The following IL34 variants were observed in gnomAD, a reference collection of about 807,000 sequenced individuals.
The protein encoded by IL34 is interleukin 34, also known as interleukin-34.
Under a neutral mutation model 25.3 loss-of-function variants are expected in IL34, and 17 were observed. The observed-to-expected ratio is 0.67, with a 90% confidence interval of 0.46 to 1.01. The LOEUF (loss-of-function observed/expected upper bound fraction) is 1.01, where lower values mean the gene tolerates loss of function less well. IL34 is among the 50% of genes least tolerant of loss of function. IL34 has a pLI of 0.00. For synonymous variants in IL34, 174 were observed against 140.9 expected (o/e 1.23, Z -1.66); for missense variants, 368 against 312.9 (o/e 1.18, Z -1.33).
chr16:70,632,601 C>T (rs2051544882), intron 1 of IL34, among the ~76,000 whole-genome samples: 1 of 152,088 alleles, frequency 6.6e-6, no homozygotes, highest in African/African-American at 2.4e-5. Context: ...CAGTGGCTTT[C>T]CAATGGAGCA....
upstream of IL34, among the ~76,000 whole-genome samples, chr16:70,644,350 GAC>G (rs1343294034): frequency 6.6e-6 from 1 of 152,146 alleles, no homozygotes; most frequent in Non-Finnish European, 1.5e-5. Context: ...ACAGGTGTGA[GAC>G]ACTGCACCCA....
At chr16:70,627,525 A>C (rs1157358787) in intron 1 of IL34, among the ~76,000 whole-genome samples, 1 of 141,944 alleles carries the variant, frequency 7.0e-6, no homozygotes, top group Non-Finnish European at 1.5e-5. Flanking sequence ...TCTGTTACCC[A>C]GGCTAGAGCA....
At chr16:70,647,370 A>C (rs2051965449) in intron 1 of IL34, among the ~76,000 whole-genome samples, 1 of 152,204 alleles carries the variant, frequency 6.6e-6, no homozygotes, top group South Asian at 2.1e-4. Context: ...TAGGGACCCA[A>C]GACCCACGGC....
intron 1 of IL34, among the ~76,000 whole-genome samples, chr16:70,632,711 G>GT (rs1228373827): frequency 2.0e-5 from 3 of 152,098 alleles, no homozygotes; most frequent in East Asian, 1.9e-4. Context: ...AGAAGGGACA[G>GT]TTTTTTTGTG....
upstream of IL34, among the ~76,000 whole-genome samples, chr16:70,644,607 G>A (rs911424472): frequency 6.7e-6 from 1 of 149,488 alleles, no homozygotes; most frequent in Admixed American, 6.9e-5. Context: ...CAATAAACCT[G>A]AAAAAAATCC....
At chr16:70,647,022 C>G in intron 1 of IL34, 47 bp downstream of exon 1, 2 of 1,421,984 alleles carry the variant, frequency 1.4e-6, no homozygotes, top group Non-Finnish European at 1.8e-6. Context: ...AGGCCTTGGC[C>G]TAGATCCAGG....
intron 1 of IL34, among the ~76,000 whole-genome samples, chr16:70,634,909 T>C (rs116462996): frequency 0.05 from 5,127 of 103,312 alleles, 316 homozygotes; most frequent in African/African-American, 0.3. Flanking sequence ...GCTGCACAGA[T>C]CAGCAGTTCC....
chr16:70,585,034 G>T (rs1036999758), intron 1 of IL34, among the ~76,000 whole-genome samples: 1 of 151,936 alleles, frequency 6.6e-6, no homozygotes, highest in African/African-American at 2.4e-5. Context: ...GAAAATCCAC[G>T]TTGTACCACA....
At chr16:70,597,998 C>G (rs976089305) in intron 1 of IL34, among the ~76,000 whole-genome samples, 1 of 152,188 alleles carries the variant, frequency 6.6e-6, no homozygotes, top group Admixed American at 6.5e-5. Flanking sequence ...GTGCCCGCCA[C>G]CATGTCTAGC....
chr16:70,646,246 T>C (rs993834745), upstream of IL34, among the ~76,000 whole-genome samples: 1 of 152,142 alleles, frequency 6.6e-6, no homozygotes, highest in African/African-American at 2.4e-5. Flanking sequence ...TTTTTTAACC[T>C]GTCCTTTAGC....
chr16:70,646,318 C>G (rs1414463274), upstream of IL34, among the ~76,000 whole-genome samples: 2 of 152,164 alleles, frequency 1.3e-5, no homozygotes, highest in Non-Finnish European at 2.9e-5. Context: ...CCTGTTCATT[C>G]CTTGGTCCTG....
intron 1 of IL34, among the ~76,000 whole-genome samples, chr16:70,628,496 T>A (rs887898120): frequency 2.0e-5 from 3 of 150,698 alleles, no homozygotes; most frequent in Admixed American, 6.6e-5. Flanking sequence ...TTTATTTATT[T>A]TTTTTTTTGA....
intron 1 of IL34, among the ~76,000 whole-genome samples, chr16:70,622,927 T>C (rs1355092969): frequency 6.6e-6 from 1 of 152,058 alleles, no homozygotes; most frequent in Non-Finnish European, 1.5e-5. Flanking sequence ...TCAAATTGTT[T>C]GGACAGAAAG....
upstream of IL34, among the ~76,000 whole-genome samples, chr16:70,642,380 C>G (rs932148746): frequency 1.4e-5 from 2 of 144,754 alleles, no homozygotes; most frequent in African/African-American, 5.1e-5. Context: ...TCACTGCAAA[C>G]TTTGCCCTCT....
chr16:70,622,144 A>AG (rs960886814), intron 1 of IL34, among the ~76,000 whole-genome samples: 1 of 152,000 alleles, frequency 6.6e-6, no homozygotes, highest in African/African-American at 2.4e-5. Context: ...GACTGTATAG[A>AG]GGGGGGAAGG....
chr16:70,589,902 C>T (rs566827391), intron 1 of IL34, among the ~76,000 whole-genome samples: 162 of 152,248 alleles, frequency 1.1e-3, no homozygotes, highest in Non-Finnish European at 2.1e-3. Context: ...GGATTACAGG[C>T]GTGAGCCACT....
chr16:70,600,183 A>G (rs866869197), intron 1 of IL34, among the ~76,000 whole-genome samples: 2 of 151,146 alleles, frequency 1.3e-5, no homozygotes, highest in Non-Finnish European at 2.9e-5. Context: ...TCTCGTTCCT[A>G]TTTTCCACCC....
intron 1 of IL34, among the ~76,000 whole-genome samples, chr16:70,620,437 GA>G (rs1422359190): frequency 1.8e-5 from 2 of 110,768 alleles, no homozygotes; most frequent in Admixed American, 7.7e-5. Context: ...CAGGTGTGAG[GA>G]GGGGAGGTGA....
At chr16:70,640,263 T>C (rs770261987) in intron 1 of IL34, among the ~76,000 whole-genome samples, 33 of 152,110 alleles carry the variant, frequency 2.2e-4, no homozygotes, top group Non-Finnish European at 4.1e-4. Context: ...TGCCTTAGCC[T>C]TCTGAGTACC....
Sources: gnomAD v4.1 joint callset for allele counts (sites outside exome capture counted in the v4.1 genomes callset) on GRCh38, gnomAD v4.1.1 for gene constraint, MANE v1.5 for transcripts, NCBI Gene and HGNC (gene_info 2026-07-23, HGNC 2026-07-21) for gene names.